The following FAM107B variants were observed in gnomAD, a reference collection of about 807,000 sequenced individuals.
The protein encoded by FAM107B is family with sequence similarity 107 member B.
A neutral mutation model predicts 31.5 loss-of-function variants in FAM107B; 21 were observed. That is an observed-to-expected ratio of 0.67 (90% CI 0.47 to 0.96). The LOEUF is 0.96. Among genes scored for constraint, FAM107B ranks in the 40% least tolerant of loss-of-function variants. The probability of loss-of-function intolerance (pLI) is 0.00; values close to 1 mark genes in which losing one functional copy is unlikely to be tolerated. For missense variants in FAM107B, 452 were observed against 377.1 expected (o/e 1.20, Z -1.64); for synonymous variants, 157 against 141.5 (o/e 1.11, Z -0.78).
chr10:14,550,134 C>T (rs756111636), intron 2 of FAM107B, among the ~76,000 whole-genome samples: 6 of 152,134 alleles, frequency 3.9e-5, no homozygotes, highest in Non-Finnish European at 5.9e-5. Flanking sequence ...AGTCATAATC[C>T]AGATCCTATA....
At chr10:14,664,318 T>C (rs1279619394) in intron 2 of FAM107B, among the ~76,000 whole-genome samples, 1 of 152,254 alleles carries the variant, frequency 6.6e-6, no homozygotes, top group Non-Finnish European at 1.5e-5. Context: ...GTCTAATGGC[T>C]GTATTTCTCA....
At position 14,644,766 on chromosome 10, in the gene FAM107B, G is replaced by A. The variant is rs59118375; in HGVS notation, c.469+22868C>T. On this transcript the variant is annotated intron_variant, in intron 2 of 4. Coordinates refer to ENST00000181796, the MANE Select transcript of FAM107B (RefSeq NM_031453.4). ...CACAAATGCAAGTATTGGTATGAGT[G>A]TGCTTACTACAAAACACAAAAACCA... is the stretch of plus-strand genomic sequence containing the variant. Among the ~76,000 whole-genome samples, 719 of 152,324 alleles carry A rather than the reference G, an allele frequency of 4.7e-3. 6 individuals are homozygous for A. Among genetic ancestry groups the A allele is most frequent in the African/African-American group, 0.017 (687 of 41,572 alleles).
chr10:14,593,856 C>T (rs1333592683), intron 2 of FAM107B, among the ~76,000 whole-genome samples: 2 of 152,102 alleles, frequency 1.3e-5, no homozygotes, highest in African/African-American at 2.4e-5. Flanking sequence ...TGAAATCTTC[C>T]AATATAGACT....
intron 1 of FAM107B, among the ~76,000 whole-genome samples, chr10:14,759,688 G>A (rs1178249117): frequency 6.6e-6 from 1 of 152,040 alleles, no homozygotes; most frequent in Non-Finnish European, 1.5e-5. Flanking sequence ...AAATTGAGGA[G>A]GTGTTTATGG....
chr10:14,661,149 A>G (rs542075858), intron 2 of FAM107B, among the ~76,000 whole-genome samples: 1 of 152,340 alleles, frequency 6.6e-6, no homozygotes, highest in East Asian at 1.9e-4. Context: ...CTTCCTGTAC[A>G]GCCTGCAGAA....
chr10:14,688,064 C>A (rs1388382939), intron 1 of FAM107B, among the ~76,000 whole-genome samples: 2 of 152,210 alleles, frequency 1.3e-5, no homozygotes, highest in Non-Finnish European at 2.9e-5. Context: ...CAGCTGCCAG[C>A]ACAGCTAGAA....
chr10:14,736,538 G>A (rs1856304572), intron 1 of FAM107B, among the ~76,000 whole-genome samples: 1 of 152,194 alleles, frequency 6.6e-6, no homozygotes, highest in East Asian at 1.9e-4. Context: ...CTTTATGTAA[G>A]AACAGTAAGT....
chr10:14,527,253 C>G (rs893958221), intron 3 of FAM107B, among the ~76,000 whole-genome samples: 1 of 151,240 alleles, frequency 6.6e-6, no homozygotes, highest in Non-Finnish European at 1.5e-5. Flanking sequence ...AAAGTGAGAA[C>G]CTGACACAAG....
chr10:14,586,086 G>C (rs927517467), intron 2 of FAM107B, among the ~76,000 whole-genome samples: 4 of 152,100 alleles, frequency 2.6e-5, no homozygotes, highest in Non-Finnish European at 5.9e-5. Flanking sequence ...CAAAATACCT[G>C]GGCAAGGGCA....
chr10:14,530,496 A>C lies in FAM107B; in HGVS notation c.489T>G (p.Ile163Met). 6.2e-7 allele frequency: 1 copy of C among 1,613,080 alleles called. No individual in the cohort carries two copies. Among genetic ancestry groups the C allele is most frequent in the African/African-American group, 1.3e-5 (1 of 74,992 alleles). The stretch of plus-strand genomic sequence containing the variant: ...TAATGAGATATGAGTCCTTATGGTC[A>C]ATATCCTCAGGTGGGCTGTCTGAAA... Reference protein sequence around the residue: ...KMTSDSPPEDIDHKDSYLITR... With the variant: ...KMTSDSPPEDMDHKDSYLITR... Residue 163 changes from isoleucine to methionine, a missense_variant, in exon 3 of 5, where the codon ATT (isoleucine) becomes ATG (methionine). Physicochemically the swap from Ile to Met is conservative, Grantham distance 10. Transcript: ENST00000181796.
chr10:14,548,257 C>T (rs995687498), intron 2 of FAM107B, among the ~76,000 whole-genome samples: 3 of 152,038 alleles, frequency 2.0e-5, no homozygotes, highest in Non-Finnish European at 4.4e-5. Context: ...AGAGAGCAGA[C>T]GCGACAGACG....
intron 1 of FAM107B, among the ~76,000 whole-genome samples, chr10:14,680,002 T>G (rs1490129147): frequency 2.0e-4 from 30 of 152,174 alleles, no homozygotes; most frequent in Admixed American, 2.0e-3. Flanking sequence ...TTGTGGGACC[T>G]CAACTTGTGA....
rs1053183462 is a variant in FAM107B, at chr10:14,708,666, C to T, written c.412-40975G>A. Among the ~76,000 whole-genome samples, 9 of 152,028 alleles carry T rather than the reference C, an allele frequency of 5.9e-5. No individual in the cohort carries two copies. In the South Asian group the frequency reaches 8.3e-4, roughly 14 times the overall value. On this transcript the variant is annotated intron_variant, in intron 1 of 4. Transcript: ENST00000181796. ...TCATTAAAGTTAAAAATTTCTGATC[C>T]GCAAAAGTCACCATTAAGATAATGA...
chr10:14,571,373 T>A (rs972031163), intron 2 of FAM107B, among the ~76,000 whole-genome samples: 2 of 152,198 alleles, frequency 1.3e-5, no homozygotes, highest in Non-Finnish European at 2.9e-5. Context: ...TGGAAATAGA[T>A]ATCTTCAGAG....
At chr10:14,667,254 C>A (rs544330993) in intron 2 of FAM107B, among the ~76,000 whole-genome samples, 26 of 152,188 alleles carry the variant, frequency 1.7e-4, no homozygotes, top group Middle Eastern at 3.4e-3. Context: ...ATAAAAAAAA[C>A]CCCAGCAAAC....
At chr10:14,752,542 G>A (rs12246452) in intron 1 of FAM107B, among the ~76,000 whole-genome samples, 16,793 of 152,172 alleles carry the variant, frequency 0.11, 2,335 homozygotes, top group African/African-American at 0.33. Context: ...CAATCCTGAT[G>A]TAAGTGAACC....
At chr10:14,755,275 A>G (rs1430098618) in intron 1 of FAM107B, among the ~76,000 whole-genome samples, 1 of 152,164 alleles carries the variant, frequency 6.6e-6, no homozygotes, top group Non-Finnish European at 1.5e-5. Flanking sequence ...AGGGTTGGGT[A>G]TAGGAGAGTA....
At chr10:14,722,620 C>T (rs999659938) in intron 1 of FAM107B, among the ~76,000 whole-genome samples, 4 of 152,116 alleles carry the variant, frequency 2.6e-5, no homozygotes, top group African/African-American at 7.2e-5. Context: ...TATATGTCTT[C>T]TTTGGATAAA....
At chr10:14,560,297 T>A (rs1466018167) in intron 2 of FAM107B, among the ~76,000 whole-genome samples, 1 of 152,070 alleles carries the variant, frequency 6.6e-6, no homozygotes, top group Non-Finnish European at 1.5e-5. Context: ...AACTCCAAGA[T>A]CCCTTTTAAG....
Sources: allele counts gnomAD v4.1 joint callset (sites outside exome capture counted in the v4.1 genomes callset), GRCh38; gene constraint gnomAD v4.1.1; transcripts MANE v1.5; gene names NCBI Gene and HGNC (gene_info 2026-07-23, HGNC 2026-07-21).